RBFOX1: variants seen among roughly 807,000 people sequenced by gnomAD.
The protein encoded by RBFOX1 is RNA binding fox-1 homolog 1.
Under a neutral mutation model 57.7 loss-of-function variants are expected in RBFOX1, and 8 were observed. That is an observed-to-expected ratio of 0.14 (90% CI 0.08 to 0.25). The LOEUF (loss-of-function observed/expected upper bound fraction) is 0.25. Among genes scored for constraint, RBFOX1 ranks in the 10% least tolerant of loss-of-function variants. The pLI is 1.00. For synonymous variants in RBFOX1, 326 were observed against 222.4 expected (o/e 1.47, Z -4.15); for missense variants, 611 against 548.5 (o/e 1.11, Z -1.14).
rs141440635 is a variant in RBFOX1 at position 5,567,210 on chromosome 16, A to AT, written c.259-31691dup. Among the ~76,000 whole-genome samples, 1,018 of 152,312 alleles carry AT rather than the reference A, an allele frequency of 6.7e-3. 14 individuals are homozygous for AT. The highest frequency in any genetic ancestry group is 0.023 in the African/African-American group (953 of 41,566). On this transcript the variant is annotated intron_variant, in intron 2 of 2. Coordinates refer to the RBFOX1 transcript ENST00000585867. ...ACCATTTAGCTGTATCCCACAGCCC[A>AT]TGGCCTTGCAGACATGTGGGACGTA... is the stretch of plus-strand genomic sequence containing the variant.
intron 3 of RBFOX1, among the ~76,000 whole-genome samples, chr16:6,836,090 A>G (rs1443017987): frequency 6.6e-6 from 1 of 152,224 alleles, no homozygotes; most frequent in African/African-American, 2.4e-5. Context: ...AACGCCTGCT[A>G]TAGAAATGGG....
At chr16:5,259,982 C>G (rs1248306029) in intron 1 of RBFOX1, among the ~76,000 whole-genome samples, 2 of 152,184 alleles carry the variant, frequency 1.3e-5, no homozygotes, top group Non-Finnish European at 2.9e-5. Flanking sequence ...GGTCAGATCA[C>G]TTGAGGCCGA....
At chr16:5,891,074 T>C (rs2058034753) in intron 4 of RBFOX1, among the ~76,000 whole-genome samples, 1 of 152,194 alleles carries the variant, frequency 6.6e-6, no homozygotes, top group Admixed American at 6.5e-5. Flanking sequence ...CAGGAAGACT[T>C]GATACTTGTC....
chr16:6,146,664 G>A (rs2096760649), intron 1 of RBFOX1, among the ~76,000 whole-genome samples: 1 of 152,160 alleles, frequency 6.6e-6, no homozygotes, highest in African/African-American at 2.4e-5. Context: ...GGATTCAAAA[G>A]TAAAAGGGCA....
intron 3 of RBFOX1, among the ~76,000 whole-genome samples, chr16:5,827,270 G>A (rs969036470): frequency 6.6e-6 from 1 of 151,778 alleles, no homozygotes; most frequent in African/African-American, 2.4e-5. Flanking sequence ...TGTGGTGGTG[G>A]GTGCCAGTAA....
chr16:6,199,960 G>A (rs753420495), intron 1 of RBFOX1, among the ~76,000 whole-genome samples: 1 of 152,124 alleles, frequency 6.6e-6, no homozygotes, highest in African/African-American at 2.4e-5. Flanking sequence ...GATGTTCACC[G>A]ACAGCCAGCT....
At chr16:7,140,147 T>TC (rs1215957586) in intron 4 of RBFOX1, among the ~76,000 whole-genome samples, 17 of 137,322 alleles carry the variant, frequency 1.2e-4, no homozygotes, top group Non-Finnish European at 2.3e-4. Context: ...TCTTATTCTC[T>TC]CCTTCTCTCC....
At chr16:7,591,274 A>G (rs1354748514) in intron 7 of RBFOX1, among the ~76,000 whole-genome samples, 1 of 152,280 alleles carries the variant, frequency 6.6e-6, no homozygotes, top group African/African-American at 2.4e-5. Flanking sequence ...GAATCTTCAG[A>G]TGCTCATCAA....
chr16:5,772,302 C>G (rs950967795), intron 3 of RBFOX1, among the ~76,000 whole-genome samples: 1 of 152,168 alleles, frequency 6.6e-6, no homozygotes, highest in Non-Finnish European at 1.5e-5. Context: ...GGCAGGCTCC[C>G]TCCATGTAGA....
chr16:6,233,630 A>G (rs2152910139), intron 1 of RBFOX1, among the ~76,000 whole-genome samples: 1 of 152,174 alleles, frequency 6.6e-6, no homozygotes, highest in South Asian at 2.1e-4. Context: ...TATCAAAGAA[A>G]TGGGGTCTCA....
At chr16:6,907,941 T>C (rs1386378530) in intron 3 of RBFOX1, among the ~76,000 whole-genome samples, 1 of 151,706 alleles carries the variant, frequency 6.6e-6, no homozygotes, top group Non-Finnish European at 1.5e-5. Flanking sequence ...AATCTCCACC[T>C]GCATGTTTAC....
intron 1 of RBFOX1, among the ~76,000 whole-genome samples, chr16:5,287,402 C>G (rs1266793676): frequency 6.6e-6 from 1 of 152,196 alleles, no homozygotes; most frequent in African/African-American, 2.4e-5. Context: ...GCTCTACAGT[C>G]TTATTCATTA....
At chr16:6,876,258 T>G (rs1603635410) in intron 3 of RBFOX1, among the ~76,000 whole-genome samples, 1 of 152,120 alleles carries the variant, frequency 6.6e-6, no homozygotes, top group African/African-American at 2.4e-5. Flanking sequence ...ATCCAGTCTT[T>G]CTATTCTTGG....
rs916968942 is a variant in RBFOX1, at chr16:6,924,918, A to T, written c.-15-127139A>T. 3.0e-4 allele frequency among the ~76,000 whole-genome samples: 41 copies of T among 138,408 alleles called. No homozygotes were observed. The Admixed American group carries it at 3.3e-3, about 11-fold the overall frequency. 90.8% of individuals were successfully genotyped at this position (138,408 alleles called of 152,430 possible). A position where few individuals can be genotyped will look rare whatever the true frequency, so the allele number is the denominator to read the frequency against. On this transcript the variant is annotated intron_variant, in intron 3 of 15. Transcript: ENST00000550418. ...TGTTCTCATTGTTCAATTCCTACCT[A>T]TGAGTGAGAACATGCGGTGTTTGGT...
chr16:7,549,250 G>T (rs1230754959), intron 5 of RBFOX1, among the ~76,000 whole-genome samples: 1 of 152,178 alleles, frequency 6.6e-6, no homozygotes, highest in East Asian at 1.9e-4. Flanking sequence ...CCCCAATTTG[G>T]AACAACCATT....
chr16:6,628,780 T>A (rs2098343454), intron 2 of RBFOX1, among the ~76,000 whole-genome samples: 1 of 152,226 alleles, frequency 6.6e-6, no homozygotes, highest in East Asian at 1.9e-4. Flanking sequence ...TATAGAACTG[T>A]CATTCTTCCA....
intron 3 of RBFOX1, among the ~76,000 whole-genome samples, chr16:5,844,044 T>G (rs1472203110): frequency 1.3e-5 from 2 of 152,198 alleles, no homozygotes; most frequent in East Asian, 1.9e-4. Context: ...AGAAGCAATA[T>G]GGAACCCAAT....
intron 3 of RBFOX1, among the ~76,000 whole-genome samples, chr16:5,843,582 T>A (rs2056680234): frequency 6.6e-6 from 1 of 152,210 alleles, no homozygotes; most frequent in East Asian, 1.9e-4. Flanking sequence ...TTCATGTCTT[T>A]GTTACTGCAC....
chr16:6,793,966 C>G (rs1031348616), intron 3 of RBFOX1, among the ~76,000 whole-genome samples: 1 of 152,066 alleles, frequency 6.6e-6, no homozygotes, highest in Admixed American at 6.6e-5. Flanking sequence ...GGTGGTAATA[C>G]AGCAAGTGGT....
Sources: gnomAD v4.1 joint callset for allele counts (sites outside exome capture counted in the v4.1 genomes callset) on GRCh38, gnomAD v4.1.1 for gene constraint, MANE v1.5 for transcripts, NCBI Gene and HGNC (gene_info 2026-07-23, HGNC 2026-07-21) for gene names.